BACH2: variants seen among roughly 807,000 people sequenced by gnomAD.
BACH2 encodes BACH transcriptional regulator 2.
Under a neutral mutation model 61.8 loss-of-function variants are expected in BACH2, and 5 were observed. The ratio of observed to expected loss-of-function variants is 0.08; its 90% CI spans 0.04 to 0.17. The LOEUF (loss-of-function observed/expected upper bound fraction) is 0.17. Among genes scored for constraint, BACH2 ranks in the 10% least tolerant of loss-of-function variants. BACH2 has a pLI of 1.00. For missense variants in BACH2, 824 were observed against 1,091.1 expected, an observed-to-expected ratio of 0.76 and a Z score of 3.45; for synonymous variants, 446 against 440.1, an observed-to-expected ratio of 1.01 and a Z score of -0.17.
intron 5 of BACH2, among the ~76,000 whole-genome samples, chr6:90,076,086 C>T (rs1273010843): frequency 6.6e-6 from 1 of 152,144 alleles, no homozygotes; most frequent in Admixed American, 6.6e-5. Context: ...AAGTCCCACT[C>T]TAGGAATCAC....
At chr6:90,136,810 GAGCACTAA>G (rs1784285275) in intron 4 of BACH2, among the ~76,000 whole-genome samples, 1 of 150,872 alleles carries the variant, frequency 6.6e-6, no homozygotes. Flanking sequence ...CTACAATAAT[GAGCACTAA>G]ACCATGCTAT....
At chr6:90,277,270 A>G (rs1771723631) in intron 1 of BACH2, among the ~76,000 whole-genome samples, 1 of 152,244 alleles carries the variant, frequency 6.6e-6, no homozygotes, top group Admixed American at 6.5e-5. Context: ...ATAGTGGTAT[A>G]GTCACACAAT....
chr6:89,945,910 A>AT (rs1334196389), intron 7 of BACH2, among the ~76,000 whole-genome samples: 2 of 151,344 alleles, frequency 1.3e-5, no homozygotes, highest in East Asian at 3.9e-4. Flanking sequence ...CTGCTTTGTG[A>AT]TTTTCACTTA....
At chr6:89,935,487 G>A (rs7739280) in intron 8 of BACH2, among the ~76,000 whole-genome samples, 6,793 of 152,248 alleles carry the variant, frequency 0.045, 307 homozygotes, top group East Asian at 0.18. Context: ...GAGGTGCCGC[G>A]TGTGACAGCA....
chr6:89,979,842 T>C (rs1020147544), intron 6 of BACH2, among the ~76,000 whole-genome samples: 5 of 152,236 alleles, frequency 3.3e-5, no homozygotes, highest in African/African-American at 1.2e-4. Context: ...ATGTAATTTA[T>C]CCAAACTGTT....
At chr6:89,987,009 T>C (rs1183927898) in intron 6 of BACH2, among the ~76,000 whole-genome samples, 2 of 152,276 alleles carry the variant, frequency 1.3e-5, no homozygotes, top group Admixed American at 1.3e-4. Context: ...TGTCTGGTGA[T>C]GTGACCCAGC....
At chr6:89,999,487 G>A (rs1562357713) in intron 6 of BACH2, among the ~76,000 whole-genome samples, 1 of 151,524 alleles carries the variant, frequency 6.6e-6, no homozygotes, top group Non-Finnish European at 1.5e-5. Context: ...GTGTAATCTG[G>A]ATGGGAAGTA....
rs267601167 is a variant in BACH2, at chr6:89,951,062, C to T, written c.1044G>A (p.Thr348=). ...GCAGGCCAGACAGCTCCACACTTTT[C>T]GTTATGCTGAACAGAGACCTTAAGC... ...PSCLRSLFSI[T]KSVELSGLPS... The change falls in exon 7 of 9, where the codon ACG becomes ACA. Residue 348 remains threonine (T), a synonymous_variant. Coordinates refer to ENST00000257749, the MANE Select transcript of BACH2 (RefSeq NM_021813.4). This position sits in a 1 kb window ranked among gnomAD's most constrained non-coding sequence, Gnocchi z 6.4. The T allele has an allele frequency of 3.3e-5, 53 of 1,611,602 alleles. No individual in the cohort carries two copies. Among genetic ancestry groups the T allele is most frequent in the Admixed American group, 1.8e-4 (11 of 59,688 alleles).
chr6:90,047,592 G>A (rs1001867452), intron 5 of BACH2, among the ~76,000 whole-genome samples: 3 of 152,082 alleles, frequency 2.0e-5, no homozygotes, highest in African/African-American at 7.2e-5. Context: ...TCGAGTGTCC[G>A]CAGTTTTTGA....
chr6:90,149,727 C>T (rs1784745966), intron 4 of BACH2, among the ~76,000 whole-genome samples: 1 of 152,182 alleles, frequency 6.6e-6, no homozygotes, highest in African/African-American at 2.4e-5. Flanking sequence ...TCTTTTCATC[C>T]TGCTCTAAAG....
At chr6:90,225,451 C>T (rs994662385) in intron 3 of BACH2, among the ~76,000 whole-genome samples, 6 of 151,894 alleles carry the variant, frequency 4.0e-5, no homozygotes, top group East Asian at 1.9e-4. Context: ...GAGAGACAGA[C>T]GATAATCACA....
chr6:89,942,677 G>C (rs995146056), intron 7 of BACH2, among the ~76,000 whole-genome samples: 3 of 152,186 alleles, frequency 2.0e-5, no homozygotes, highest in Non-Finnish European at 4.4e-5. Flanking sequence ...AAGGGCACGA[G>C]GGATTCATGG....
rs1772535185 is a variant in BACH2 at position 89,929,735 on chromosome 6, C to T, written c.*2673G>A. ...GGTCTGGGCTACTGAACCACAGAAA[C>T]CTGAGGAAATGGATGGAATGTGGTC... is the stretch of plus-strand genomic sequence containing the variant. On this transcript the variant is annotated 3_prime_UTR_variant, in exon 9 of 9. Coordinates refer to ENST00000257749, the MANE Select transcript of BACH2 (RefSeq NM_021813.4). 6.6e-6 allele frequency: 1 copy of T among 152,252 alleles called. No homozygotes were observed. The highest frequency in any genetic ancestry group is 1.5e-5 in the Non-Finnish European group (1 of 68,050). The allele number at this position is 152,252 out of a possible 1,614,324, so 9.4% of individuals were successfully genotyped here.
At chr6:89,969,359 T>C (rs1297365286) in intron 6 of BACH2, among the ~76,000 whole-genome samples, 1 of 151,990 alleles carries the variant, frequency 6.6e-6, no homozygotes, top group Non-Finnish European at 1.5e-5. Context: ...CCAGCAAAAA[T>C]GTAGTCTTAA....
chr6:90,118,849 C>A (rs1040020253), intron 4 of BACH2, among the ~76,000 whole-genome samples: 2 of 152,114 alleles, frequency 1.3e-5, no homozygotes, highest in Non-Finnish European at 1.5e-5. Flanking sequence ...TCTAACCAGA[C>A]CTGGGTTTGG....
At chr6:90,271,366 T>TA (rs3073450) in intron 2 of BACH2, among the ~76,000 whole-genome samples, 131 of 103,870 alleles carry the variant, frequency 1.3e-3, no homozygotes, top group Admixed American at 2.4e-3. Context: ...CAACCCCATT[T>TA]AAAAAAAAAA....
At chr6:90,161,954 T>C (rs975655504) in intron 4 of BACH2, among the ~76,000 whole-genome samples, 1 of 152,162 alleles carries the variant, frequency 6.6e-6, no homozygotes, top group African/African-American at 2.4e-5. Context: ...TCATGGCTAT[T>C]AGTACTCTGA....
intron 5 of BACH2, among the ~76,000 whole-genome samples, chr6:90,068,638 G>GA (rs1781076885): frequency 7.1e-6 from 1 of 140,814 alleles, no homozygotes; most frequent in East Asian, 2.0e-4. Context: ...GGTTGTTGTT[G>GA]TTTTTTTTTT....
intron 6 of BACH2, among the ~76,000 whole-genome samples, chr6:89,952,758 A>G (rs1450308686): frequency 6.6e-6 from 1 of 152,246 alleles, no homozygotes; most frequent in African/African-American, 2.4e-5. Flanking sequence ...AAAGTGTGCT[A>G]TTTATGCACA....
Sources: gnomAD v4.1 joint callset for allele counts (sites outside exome capture counted in the v4.1 genomes callset) on GRCh38, gnomAD v4.1.1 for gene constraint, Gnocchi (gnomAD v3.1) non-coding constraint, MANE v1.5 for transcripts, NCBI Gene and HGNC (gene_info 2026-07-23, HGNC 2026-07-21) for gene names.